FIGNL1: variants seen among roughly 807,000 people sequenced by gnomAD.
FIGNL1 encodes fidgetin-like protein 1.
FIGNL1 carries 11 observed loss-of-function variants against 28.9 expected under a neutral mutation model. That is an observed-to-expected ratio of 0.38 (90% CI 0.24 to 0.63). FIGNL1 has a LOEUF of 0.63. Among genes scored for constraint, FIGNL1 ranks in the 20% least tolerant of loss-of-function variants. The pLI, the probability that FIGNL1 is intolerant of heterozygous loss-of-function variation, is 0.57. For missense variants in FIGNL1, 789 were observed against 810.4 expected, an observed-to-expected ratio of 0.97 and a Z score of 0.32; for synonymous variants, 295 against 276.5, an observed-to-expected ratio of 1.07 and a Z score of -0.66.
In FIGNL1 at chr7:50,446,271, C is replaced by T. The variant is rs1272675486; in HGVS notation, c.1017G>A (p.Lys339=). 2 of 1,614,180 alleles carry T rather than the reference C, an allele frequency of 1.2e-6. No individual in the cohort carries two copies. Among genetic ancestry groups the T allele is most frequent in the Non-Finnish European group, 1.7e-6 (2 of 1,180,046 alleles). ...GASRSRGILG[K]FVPPIPKQDG... is the part of the protein sequence containing the mutation. ...CTTGCTTGGGTATAGGAGGAACAAA[C>T]TTTCCAAGTATCCCTCGGGATCTAC... The change falls in exon 4 of 4, where the codon AAG becomes AAA. Residue 339 remains lysine, a synonymous_variant. Coordinates refer to ENST00000433017, the MANE Select transcript of FIGNL1 (RefSeq NM_001287492.4).
rs1181537773 is a variant in FIGNL1 at position 50,448,277 on chromosome 7, T to C, written c.-107A>G. ...ACTTCTGCATGTACACAATGCTCCT[T>C]GATGCTGCTATCCTAGGTCACAGAT... On this transcript the variant is annotated 5_prime_UTR_variant, in exon 3 of 4. Transcript: ENST00000433017. The C allele has an allele frequency of 6.6e-6, 1 of 152,228 alleles. No individual in the cohort carries two copies. The highest frequency in any genetic ancestry group is 1.5e-5 in the Non-Finnish European group (1 of 68,026). The allele number at this position is 152,228 out of a possible 1,614,324, so 9.4% of individuals were successfully genotyped here. A position where few individuals can be genotyped will look rare whatever the true frequency, so the allele number is the denominator to read the frequency against.
At chr7:50,448,446 C>A (rs1221773400) in intron 2 of FIGNL1, 157 bp from the exon 3 acceptor site, 1 of 152,162 alleles carries the variant, frequency 6.6e-6, no homozygotes, top group Non-Finnish European at 1.5e-5. Flanking sequence ...GAAACTGTTA[C>A]AATAAATGAA....
chr7:50,448,752 T>C (rs111634100), intron 2 of FIGNL1: 22 of 152,352 alleles, frequency 1.4e-4, no homozygotes, highest in African/African-American at 5.0e-4. Context: ...GCAGCTTTTA[T>C]CTCCCATAAT....
Position 50,444,556 on chromosome 7 carries a change from A to G in FIGNL1, c.*707T>C, listed in dbSNP as rs943416976. On this transcript the variant is annotated 3_prime_UTR_variant, in exon 4 of 4. Coordinates refer to ENST00000433017, the MANE Select transcript of FIGNL1 (RefSeq NM_001287492.4). ...TAATGAACATGTTTCATAAAACAAA[A>G]TGGGTCTGTTATAAAAATCTGAAAA... 2 of 152,204 alleles carry G rather than the reference A, an allele frequency of 1.3e-5. No homozygotes were observed. Among genetic ancestry groups the G allele is most frequent in the Non-Finnish European group, 2.9e-5 (2 of 68,028 alleles). 9.4% of individuals were successfully genotyped at this position (152,204 alleles called of 1,614,324 possible).
chr7:50,446,815 T>G lies in FIGNL1; in HGVS notation c.473A>C (p.Gln158Pro). 6.2e-7 allele frequency: 1 copy of G among 1,614,092 alleles called. No homozygotes were observed. Among genetic ancestry groups the G allele is most frequent in the Non-Finnish European group, 8.5e-7 (1 of 1,180,034 alleles). ...LPKFSVCGSS[Q>P]ESDSLPNSAH... ...TGAGTTAGGTAATGAGTCACTCTCT[T>G]GAGAACTACCACAAACACTAAATTT... The change falls in exon 4 of 4, where the codon CAA becomes CCA. Residue 158 changes from glutamine to proline, a missense_variant. By Grantham distance (76) the Gln-to-Pro change is moderately conservative. Coordinates refer to ENST00000433017, the MANE Select transcript of FIGNL1 (RefSeq NM_001287492.4).
Position 50,445,201 on chromosome 7 carries a change from T to C in FIGNL1, c.*62A>G. On this transcript the variant is annotated 3_prime_UTR_variant, in exon 4 of 4. Coordinates refer to ENST00000433017, the MANE Select transcript of FIGNL1 (RefSeq NM_001287492.4). ...AAAATACAATTAACACATCCCCAAC[T>C]TTCTATGCTAAAAAATAAAGAAGAC... 2 of 1,080,476 alleles carry C rather than the reference T, an allele frequency of 1.9e-6. No homozygotes were observed. The highest frequency in any genetic ancestry group is 2.6e-6 in the Non-Finnish European group (2 of 769,360). 66.9% of individuals were successfully genotyped at this position (1,080,476 alleles called of 1,614,324 possible).
chr7:50,446,614 T>C lies in FIGNL1; in HGVS notation c.674A>G (p.Lys225Arg), dbSNP rs758630922. The change falls in exon 4 of 4, where the codon AAA (lysine) becomes AGA (arginine). Residue 225 changes from lysine (K) to arginine (R), a missense_variant. Transcript: ENST00000433017. ...FHVTPLFGNV[K>R]KENHSSAKEN... Reference sequence around the variant, plus strand: ...TTTTGCAGAGCTGTGATTTTCCTTTTTGACATTTCCAAACAATGGTGTGAC... The same window carrying C: ...TTTTGCAGAGCTGTGATTTTCCTTTCTGACATTTCCAAACAATGGTGTGAC... The C allele has an allele frequency of 1.1e-5, 17 of 1,614,110 alleles. No individual in the cohort carries two copies. Among genetic ancestry groups the C allele is most frequent in the East Asian group, 2.2e-5 (1 of 44,904 alleles).
chr7:50,448,383 A>C (rs1297860979), intron 2 of FIGNL1, 94 bp from the exon 3 acceptor site: 1 of 152,040 alleles, frequency 6.6e-6, no homozygotes, highest in Admixed American at 6.5e-5. Context: ...CATCACCCTA[A>C]ACAGAATGCC....
At position 50,448,198 on chromosome 7, in the gene FIGNL1, G is replaced by A. The variant is rs541766152; in HGVS notation, c.-28C>T. 4 of 152,346 alleles carry A rather than the reference G, an allele frequency of 2.6e-5. No individual in the cohort carries two copies. The South Asian group carries it at 8.3e-4, about 32-fold the overall frequency. 9.4% of individuals were successfully genotyped at this position (152,346 alleles called of 1,614,324 possible). A position where few individuals can be genotyped will look rare whatever the true frequency, so the allele number is the denominator to read the frequency against. ...GAACTTACTTGAGATCACACAGCCA[G>A]TTATGAATGGTATCAGAAATCGAAC... On this transcript the variant is annotated 5_prime_UTR_variant, in exon 3 of 4. Coordinates refer to ENST00000433017, the MANE Select transcript of FIGNL1 (RefSeq NM_001287492.4).
rs1195852650 is a variant in FIGNL1 at position 50,445,365 on chromosome 7, G to GT, written c.1922dup (p.Tyr641Ter). 1 of 1,614,016 alleles carries GT rather than the reference G, an allele frequency of 6.2e-7. No individual in the cohort carries two copies. Among genetic ancestry groups the GT allele is most frequent in the Admixed American group, 1.7e-5 (1 of 60,002 alleles). The change falls in exon 4 of 4, where the codon TAC becomes TAAC. Residue 641 changes from tyrosine (Y) to a stop codon, truncating the protein, a stop_gained and frameshift_variant. Coordinates refer to ENST00000433017, the MANE Select transcript of FIGNL1 (RefSeq NM_001287492.4). LOFTEE classifies it high-confidence loss of function. ...ITPDQVRPIA[Y>*]IDFENAFRTV... is the part of the protein sequence containing the mutation. The stretch of plus-strand genomic sequence containing the variant: ...TTCTAAAAGCATTTTCAAAATCAAT[G>GT]TAAGCTATGGGTCGAACTTGATCCG...
rs1015596501 is a variant in FIGNL1, at chr7:50,445,262, C to G, written c.*1G>C. The G allele has an allele frequency of 2.6e-6, 4 of 1,544,492 alleles. No individual in the cohort carries two copies. Among genetic ancestry groups the G allele is most frequent in the Non-Finnish European group, 3.5e-6 (4 of 1,146,518 alleles). On this transcript the variant is annotated 3_prime_UTR_variant, in exon 4 of 4. Coordinates refer to ENST00000433017, the MANE Select transcript of FIGNL1 (RefSeq NM_001287492.4). ...AGATGCCTTGATTCCAAGTATCCCA[C>G]TTACTTTCCACAACCAAAAGTTTTG...
In FIGNL1 at chr7:50,446,978, A is replaced by C; in HGVS notation, c.310T>G (p.Leu104Val). ...ATTTTGAAAACATTATTTATTGACA[A>C]TCCAGACTGCCACTTGTCACTATCT... Reference protein sequence around the residue: ...QTDSDKWQSGLSINNVFKMSS... With the variant: ...QTDSDKWQSGVSINNVFKMSS... Residue 104 changes from leucine to valine, a missense_variant, in exon 4 of 4, where the codon TTG (leucine) becomes GTG (valine). Transcript: ENST00000433017. 6.2e-7 allele frequency: 1 copy of C among 1,614,198 alleles called. No homozygotes were observed. The highest frequency in any genetic ancestry group is 1.1e-5 in the South Asian group (1 of 91,084).
rs1821587112 is a variant in FIGNL1 at position 50,449,350 on chromosome 7, A to G, written c.-352T>C. On this transcript the variant is annotated 5_prime_UTR_variant, in exon 2 of 4. Coordinates refer to ENST00000433017, the MANE Select transcript of FIGNL1 (RefSeq NM_001287492.4). ...GCCTTTCCTAGATCTAAAAAGTATGATTAATTAGCACTGTCATATGAACTG... is the reference window on the plus strand; with the variant it reads ...GCCTTTCCTAGATCTAAAAAGTATGGTTAATTAGCACTGTCATATGAACTG... 1 of 152,206 alleles carries G rather than the reference A, an allele frequency of 6.6e-6. No homozygotes were observed. Among genetic ancestry groups the G allele is most frequent in the African/African-American group, 2.4e-5 (1 of 41,450 alleles). The allele number at this position is 152,206 out of a possible 1,614,324, so 9.4% of individuals were successfully genotyped here.
In FIGNL1 at chr7:50,444,386, G is replaced by A. The variant is rs887151084; in HGVS notation, c.*877C>T. ...ACGCTTTGAAGAATAGGCTACAAGA[G>A]AGAATACATTACACAATCCTACTGC... On this transcript the variant is annotated 3_prime_UTR_variant, in exon 4 of 4. Coordinates refer to ENST00000433017, the MANE Select transcript of FIGNL1 (RefSeq NM_001287492.4). The A allele has an allele frequency of 2.6e-5, 4 of 152,180 alleles. No individual in the cohort carries two copies. In the East Asian group the frequency reaches 7.7e-4, roughly 29 times the overall value. 9.4% of individuals were successfully genotyped at this position (152,180 alleles called of 1,614,324 possible).
Position 50,446,753 on chromosome 7 carries a change from T to A in FIGNL1, c.535A>T (p.Ser179Cys), listed in dbSNP as rs1010210214. ...DRDRTQDFPESNRLKLLQNAQ... is the reference protein window; with the variant it reads ...DRDRTQDFPECNRLKLLQNAQ... ...TTCTGAAGGAGTTTCAAACGATTGCTCTCCGGGAAGTCTTGGGTCCGGTCT... is the reference window on the plus strand; with the variant it reads ...TTCTGAAGGAGTTTCAAACGATTGCACTCCGGGAAGTCTTGGGTCCGGTCT... Residue 179 changes from serine (S) to cysteine (C), a missense_variant, in exon 4 of 4, where the codon AGC (serine) becomes TGC (cysteine). Physicochemically the swap from Ser to Cys is moderately radical, Grantham distance 112. Coordinates refer to ENST00000433017, the MANE Select transcript of FIGNL1 (RefSeq NM_001287492.4). The A allele has an allele frequency of 1.2e-6, 2 of 1,614,206 alleles. No individual in the cohort carries two copies. The highest frequency in any genetic ancestry group is 8.5e-7 in the Non-Finnish European group (1 of 1,180,034).
In FIGNL1 at chr7:50,445,430, T is replaced by C; in HGVS notation, c.1858A>G (p.Ile620Val). The C allele has an allele frequency of 6.2e-7, 1 of 1,614,206 alleles. No homozygotes were observed. Among genetic ancestry groups the C allele is most frequent in the Non-Finnish European group, 8.5e-7 (1 of 1,180,022 alleles). ...ATGTCAGCAGTTTGTAAACTGCGAATAGGACCAAGAGAAGCCTCCCTGCAA... is the reference window on the plus strand; with the variant it reads ...ATGTCAGCAGTTTGTAAACTGCGAACAGGACCAAGAGAAGCCTCCCTGCAA... Reference protein sequence around the residue: ...QLCREASLGPIRSLQTADIAT... With the variant: ...QLCREASLGPVRSLQTADIAT... Residue 620 changes from isoleucine to valine, a missense_variant, in exon 4 of 4, where the codon ATT (isoleucine) becomes GTT (valine). Coordinates refer to ENST00000433017, the MANE Select transcript of FIGNL1 (RefSeq NM_001287492.4).
chr7:50,445,659 T>A lies in FIGNL1; in HGVS notation c.1629A>T (p.Gly543=). 1.2e-6 allele frequency: 2 copies of A among 1,614,074 alleles called. No individual in the cohort carries two copies. The highest frequency in any genetic ancestry group is 2.2e-5 in the South Asian group (2 of 91,074). ...CAATTTCTTGTGGCCGATTTGTTGC[T>A]CCCACCACTAGGATACGATCTTCAG... ...TSSEDRILVV[G]ATNRPQEIDE... is the part of the protein sequence containing the mutation. The change falls in exon 4 of 4, where the codon GGA becomes GGT. Residue 543 remains glycine, a synonymous_variant. Coordinates refer to ENST00000433017, the MANE Select transcript of FIGNL1 (RefSeq NM_001287492.4).
Position 50,446,656 on chromosome 7 carries a change from G to A in FIGNL1, c.632C>T (p.Ala211Val), listed in dbSNP as rs745567344. The A allele has an allele frequency of 2.5e-6, 4 of 1,614,076 alleles. No individual in the cohort carries two copies. The highest frequency in any genetic ancestry group is 2.7e-5 in the African/African-American group (2 of 74,924). Reference protein sequence around the residue: ...PTFSAPVGESATAKFHVTPLF... With the variant: ...PTFSAPVGESVTAKFHVTPLF... ...TGGTGTGACATGGAATTTTGCAGTA[G>A]CTGACTCACCTACAGGTGCTGAGAA... is the stretch of plus-strand genomic sequence containing the variant. Residue 211 changes from alanine to valine, a missense_variant, in exon 4 of 4, where the codon GCT becomes GTT. Coordinates refer to ENST00000433017, the MANE Select transcript of FIGNL1 (RefSeq NM_001287492.4).
rs1185161161 is a variant in FIGNL1, at chr7:50,450,331, C to T, written c.-756G>A. The T allele has an allele frequency of 6.6e-6, 1 of 152,426 alleles. No homozygotes were observed. Among genetic ancestry groups the T allele is most frequent in the Non-Finnish European group, 1.5e-5 (1 of 68,226 alleles). 9.4% of individuals were successfully genotyped at this position (152,426 alleles called of 1,614,324 possible). ...GCTGGTGTGGGACGCTGGCAGCCTC[C>T]GAAAAGCGCGGGGACTGACGTGCGC... is the stretch of plus-strand genomic sequence containing the variant. On this transcript the variant is annotated 5_prime_UTR_variant, in exon 1 of 4. Coordinates refer to ENST00000433017, the MANE Select transcript of FIGNL1 (RefSeq NM_001287492.4).
Sources: allele counts gnomAD v4.1 joint callset, GRCh38; gene constraint gnomAD v4.1.1; transcripts MANE v1.5; gene names NCBI Gene and HGNC (gene_info 2026-07-23, HGNC 2026-07-21).